Variants in PLCB1 observed in about 807,000 individuals in gnomAD.
PLCB1 encodes 1-phosphatidylinositol 4,5-bisphosphate phosphodiesterase beta-1.
Under a neutral mutation model 161.8 loss-of-function variants are expected in PLCB1, and 46 were observed. That is an observed-to-expected ratio of 0.28 (90% CI 0.22 to 0.36). The LOEUF (loss-of-function observed/expected upper bound fraction) is 0.36. Ranked by LOEUF, PLCB1 falls within the 10% of genes least tolerant of loss-of-function variation. The pLI is 1.00. For missense variants in PLCB1, 1,016 were observed against 1,472.5 expected (o/e 0.69, Z 5.07); for synonymous variants, 517 against 503.7 (o/e 1.03, Z -0.35).
chr20:8,802,481 T>C (rs916467183), intron 31 of PLCB1: 1 of 320,258 alleles, frequency 3.1e-6, no homozygotes, highest in Admixed American at 5.1e-5. Flanking sequence ...TTAATCTGGA[T>C]TTTCTCTCTT....
chr20:8,830,161 C>G (rs899178411), intron 31 of PLCB1, among the ~76,000 whole-genome samples: 10 of 152,148 alleles, frequency 6.6e-5, no homozygotes, highest in Non-Finnish European at 1.5e-5. Context: ...AATGAGAACT[C>G]TTAGAAATCA....
intron 3 of PLCB1, among the ~76,000 whole-genome samples, chr20:8,613,266 A>G (rs765421626): frequency 7.9e-5 from 12 of 152,198 alleles, no homozygotes; most frequent in East Asian, 1.9e-4. Flanking sequence ...AATGACATCA[A>G]TGACCACAAC....
intron 3 of PLCB1, among the ~76,000 whole-genome samples, chr20:8,499,239 G>A (rs1231074313): frequency 1.3e-5 from 2 of 152,184 alleles, no homozygotes; most frequent in Non-Finnish European, 2.9e-5. Context: ...AGGTAAGGGT[G>A]AAAATAATAA....
intron 3 of PLCB1, among the ~76,000 whole-genome samples, chr20:8,554,506 C>G (rs1200849178): frequency 6.6e-6 from 1 of 152,052 alleles, no homozygotes; most frequent in African/African-American, 2.4e-5. Context: ...TGAAGAGACA[C>G]AAAATGGACC....
chr20:8,291,181 C>A (rs1196448848), intron 2 of PLCB1, among the ~76,000 whole-genome samples: 1 of 152,010 alleles, frequency 6.6e-6, no homozygotes, highest in Non-Finnish European at 1.5e-5. Flanking sequence ...TTGTCAAAGG[C>A]AAAAGAGGAA....
At chr20:8,444,510 C>T (rs1416742808) in intron 3 of PLCB1, among the ~76,000 whole-genome samples, 2 of 152,124 alleles carry the variant, frequency 1.3e-5, no homozygotes, top group African/African-American at 4.8e-5. Context: ...AATAAACATA[C>T]GTGTGCATGT....
At chr20:8,662,357 A>ATTGT (rs1568551489) in intron 9 of PLCB1, among the ~76,000 whole-genome samples, 12 of 126,370 alleles carry the variant, frequency 9.5e-5, no homozygotes, top group Non-Finnish European at 4.7e-5. Context: ...ATAATATGTA[A>ATTGT]TTATTTATTA....
At chr20:8,505,622 T>C (rs1983608051) in intron 3 of PLCB1, among the ~76,000 whole-genome samples, 1 of 152,246 alleles carries the variant, frequency 6.6e-6, no homozygotes, top group Non-Finnish European at 1.5e-5. Flanking sequence ...CCATGAAATA[T>C]GTTCTGTTTT....
chr20:8,717,289 T>G (rs934180603), intron 13 of PLCB1, among the ~76,000 whole-genome samples: 1 of 152,150 alleles, frequency 6.6e-6, no homozygotes, highest in Non-Finnish European at 1.5e-5. Flanking sequence ...CTTTACCAAC[T>G]CCTCCTGGCA....
chr20:8,196,127 T>C (rs1436746466), intron 2 of PLCB1, among the ~76,000 whole-genome samples: 1 of 152,114 alleles, frequency 6.6e-6, no homozygotes, highest in Admixed American at 6.6e-5. Flanking sequence ...TGTCTCCACC[T>C]GGCCCCTCCC....
intron 2 of PLCB1, among the ~76,000 whole-genome samples, chr20:8,276,801 A>T (rs1178612807): frequency 1.3e-5 from 2 of 151,954 alleles, no homozygotes; most frequent in Non-Finnish European, 2.9e-5. Flanking sequence ...ACTGTAAAGG[A>T]TTCATATATA....
intron 9 of PLCB1, among the ~76,000 whole-genome samples, chr20:8,669,622 A>C (rs1393484890): frequency 6.6e-6 from 1 of 152,186 alleles, no homozygotes; most frequent in African/African-American, 2.4e-5. Flanking sequence ...TTCTTCACCT[A>C]TCTGGGCTCT....
At chr20:8,741,342 G>A in intron 22 of PLCB1, 122 bp from the exon 23 acceptor site, 1 of 636,744 alleles carries the variant, frequency 1.6e-6, no homozygotes. Flanking sequence ...TGGATGGATG[G>A]GTGGGTAGAT....
At chr20:8,549,417 C>G (rs1985693216) in intron 3 of PLCB1, among the ~76,000 whole-genome samples, 1 of 152,122 alleles carries the variant, frequency 6.6e-6, no homozygotes, top group Non-Finnish European at 1.5e-5. Context: ...ATTACAAAAA[C>G]AAGCCCTAGC....
chr20:8,667,293 G>A (rs1383100301), intron 9 of PLCB1, among the ~76,000 whole-genome samples: 2 of 152,186 alleles, frequency 1.3e-5, no homozygotes, highest in South Asian at 2.1e-4. Flanking sequence ...TAACCTCTGC[G>A]GAAGGTTACA....
chr20:8,504,934 A>G (rs1317109873), intron 3 of PLCB1, among the ~76,000 whole-genome samples: 2 of 152,138 alleles, frequency 1.3e-5, no homozygotes, highest in African/African-American at 4.8e-5. Flanking sequence ...GTGGAACGAC[A>G]TTGGCTTATT....
intron 16 of PLCB1, among the ~76,000 whole-genome samples, chr20:8,726,745 T>G (rs1357209215): frequency 6.6e-6 from 1 of 152,132 alleles, no homozygotes; most frequent in Non-Finnish European, 1.5e-5. Context: ...AGCCATATCA[T>G]GTATCTAATA....
chr20:8,441,230 A>T (rs1980546585), intron 3 of PLCB1, among the ~76,000 whole-genome samples: 1 of 152,208 alleles, frequency 6.6e-6, no homozygotes, highest in East Asian at 1.9e-4. Context: ...GGCATTAGGC[A>T]TCTATGGTTA....
intron 3 of PLCB1, among the ~76,000 whole-genome samples, chr20:8,429,715 T>C (rs1484766592): frequency 1.3e-5 from 2 of 152,024 alleles, no homozygotes; most frequent in African/African-American, 2.4e-5. Context: ...TAGAAAGATA[T>C]TTAAATGAAG....
Sources: gnomAD v4.1 joint callset for allele counts (sites outside exome capture counted in the v4.1 genomes callset) on GRCh38, gnomAD v4.1.1 for gene constraint, MANE v1.5 for transcripts, NCBI Gene and HGNC (gene_info 2026-07-23, HGNC 2026-07-21) for gene names.